Variants in STRN3 observed in about 807,000 individuals in gnomAD.
STRN3 encodes the protein striatin-3.
STRN3 carries 29 observed loss-of-function variants against 95.6 expected under a neutral mutation model. That is an observed-to-expected ratio of 0.30 (90% CI 0.23 to 0.41). The LOEUF is 0.41. STRN3 is among the 10% of genes least tolerant of loss of function. The pLI, the probability that STRN3 is intolerant of heterozygous loss-of-function variation, is 1.00. For missense variants in STRN3, 890 were observed against 972.1 expected, an observed-to-expected ratio of 0.92 and a Z score of 1.12; for synonymous variants, 331 against 357.6, an observed-to-expected ratio of 0.93 and a Z score of 0.84.
chr14:30,900,504 T>G (rs1357731967), intron 16 of STRN3, among the ~76,000 whole-genome samples: 1 of 150,426 alleles, frequency 6.6e-6, no homozygotes, highest in Non-Finnish European at 1.5e-5. Flanking sequence ...ATCCCAGAAC[T>G]TTGGGAGACT....
At chr14:30,993,764 C>T (rs1385321974) in intron 1 of STRN3, among the ~76,000 whole-genome samples, 3 of 152,106 alleles carry the variant, frequency 2.0e-5, no homozygotes, top group Admixed American at 6.5e-5. Flanking sequence ...ACTGCAACCT[C>T]GGCCTCGCAG....
chr14:30,944,540 TG>T (rs1192523580), intron 5 of STRN3, among the ~76,000 whole-genome samples: 1 of 130,380 alleles, frequency 7.7e-6, no homozygotes, highest in African/African-American at 3.1e-5. Context: ...TATATATACA[TG>T]TATATATACA....
chr14:30,921,300 GC>G (rs1896879455), intron 8 of STRN3, among the ~76,000 whole-genome samples: 2 of 152,094 alleles, frequency 1.3e-5, no homozygotes, highest in Non-Finnish European at 2.9e-5. Flanking sequence ...CATAATAAAG[GC>G]TTGACAAAGT....
chr14:30,907,153 G>A (rs890636807), intron 13 of STRN3, 109 bp from the exon 14 acceptor site: 2 of 1,249,970 alleles, frequency 1.6e-6, no homozygotes, highest in Admixed American at 5.5e-5. Flanking sequence ...ACACATAAAG[G>A]CCACAAGAAG....
intron 16 of STRN3, among the ~76,000 whole-genome samples, chr14:30,902,197 AAAAAAAAAAAAT>A (rs1896339552): frequency 2.1e-5 from 3 of 146,218 alleles, no homozygotes; most frequent in East Asian, 2.2e-4. Context: ...AAAAAAAAAA[AAAAAAAAAAAAT>A]GGAAATGCCA....
At chr14:30,963,408 A>T (rs1459452691) in intron 1 of STRN3, among the ~76,000 whole-genome samples, 2 of 152,140 alleles carry the variant, frequency 1.3e-5, no homozygotes, top group African/African-American at 4.8e-5. Flanking sequence ...TTAAGTCTAA[A>T]TAACTTTTTA....
Position 30,947,189 on chromosome 14 carries a change from A to T in STRN3, c.617T>A (p.Leu206Gln). Reference sequence around the variant, plus strand: ...TGATCCATTTGGTTCTGAATTAGATAGTCCAAGTAATGACCTTACCCGCTG... The same window carrying T: ...TGATCCATTTGGTTCTGAATTAGATTGTCCAAGTAATGACCTTACCCGCTG... ...RSQRVRSLLG[L>Q]SNSEPNGSVE... The change falls in exon 5 of 18, where the codon CTA becomes CAA. Residue 206 changes from leucine to glutamine, a missense_variant. Leu to Gln is a moderately radical substitution (Grantham distance 113). Around this residue, in one of 3 missense-constraint regions of STRN3, gnomAD observed 526 missense variants for 526.3 expected, o/e 1.00. Coordinates refer to ENST00000357479, the MANE Select transcript of STRN3 (RefSeq NM_001083893.2). 1 of 1,613,394 alleles carries T rather than the reference A, an allele frequency of 6.2e-7. No individual in the cohort carries two copies. The highest frequency in any genetic ancestry group is 8.5e-7 in the Non-Finnish European group (1 of 1,179,636).
At chr14:31,023,596 G>T (rs1427132294) in intron 1 of STRN3, among the ~76,000 whole-genome samples, 1 of 152,064 alleles carries the variant, frequency 6.6e-6, no homozygotes, top group African/African-American at 2.4e-5. Flanking sequence ...CAGTGCACTG[G>T]AGACTGTACA....
At chr14:30,943,525 G>A (rs766059633) in intron 5 of STRN3, among the ~76,000 whole-genome samples, 8 of 152,138 alleles carry the variant, frequency 5.3e-5, no homozygotes, top group African/African-American at 1.9e-4. Flanking sequence ...GCTTGAGCCT[G>A]GGAAGTTATG....
intron 1 of STRN3, among the ~76,000 whole-genome samples, chr14:30,994,128 G>A (rs1349492310): frequency 1.3e-5 from 2 of 151,878 alleles, no homozygotes; most frequent in Non-Finnish European, 2.9e-5. Context: ...CGCCCGCCTC[G>A]GCCTCCCAAA....
At position 30,936,494 on chromosome 14, in the gene STRN3, CT is replaced by C; in HGVS notation, c.846del (p.Ile283Ter). 6.2e-7 allele frequency: 1 copy of C among 1,609,480 alleles called. No individual in the cohort carries two copies. Among genetic ancestry groups the C allele is most frequent in the Non-Finnish European group, 8.5e-7 (1 of 1,178,746 alleles). ...GKDKHRMNKH[K>X]IGNEGLAADL... ...ATAAGAATATAAAATGTAATTCCTA[CT>C]TTATGTTTATTCATCCGATGTTTGT... is the stretch of plus-strand genomic sequence containing the variant. On this transcript the variant is annotated frameshift_variant and splice_region_variant, in exon 6 of 18. Transcript: ENST00000357479. LOFTEE classifies it high-confidence loss of function.
chr14:30,896,093 T>G (rs60207619), intron 16 of STRN3, among the ~76,000 whole-genome samples: 5,015 of 152,316 alleles, frequency 0.033, 299 homozygotes, highest in African/African-American at 0.11. Flanking sequence ...TCTGGATACT[T>G]CGTATAAGTG....
At chr14:30,954,356 T>C (rs549720085) in intron 3 of STRN3, among the ~76,000 whole-genome samples, 1 of 152,346 alleles carries the variant, frequency 6.6e-6, no homozygotes, top group East Asian at 1.9e-4. Context: ...AATACTTATA[T>C]ATCTTCTACT....
At chr14:30,910,971 C>A in intron 13 of STRN3, 70 bp downstream of exon 13, 3 of 1,526,032 alleles carry the variant, frequency 2.0e-6, no homozygotes, top group South Asian at 1.2e-5. Flanking sequence ...ACCTTGTAAT[C>A]ATATTTGAGG....
At chr14:30,931,409 T>C (rs1202700319) in intron 7 of STRN3, among the ~76,000 whole-genome samples, 1 of 152,102 alleles carries the variant, frequency 6.6e-6, no homozygotes, top group African/African-American at 2.4e-5. Context: ...AACACAAATA[T>C]GCGTAAGAAA....
intron 1 of STRN3, among the ~76,000 whole-genome samples, chr14:30,960,946 C>T (rs1457897918): frequency 6.7e-6 from 1 of 148,798 alleles, no homozygotes; most frequent in East Asian, 2.0e-4. Context: ...CTGCCTCATA[C>T]AGTTCCAGGA....
intron 1 of STRN3, among the ~76,000 whole-genome samples, chr14:30,968,562 C>T (rs1371162454): frequency 6.6e-6 from 1 of 151,570 alleles, no homozygotes; most frequent in Admixed American, 6.6e-5. Flanking sequence ...TGCCTGTAGC[C>T]CCACCTACTC....
chr14:30,917,322 A>G (rs1327644484), intron 9 of STRN3, among the ~76,000 whole-genome samples: 1 of 152,194 alleles, frequency 6.6e-6, no homozygotes, highest in African/African-American at 2.4e-5. Flanking sequence ...ACAAACACAC[A>G]TAGAGAGTTC....
intron 1 of STRN3, among the ~76,000 whole-genome samples, chr14:30,989,580 C>T (rs1042407494): frequency 1.3e-5 from 2 of 152,122 alleles, no homozygotes; most frequent in African/African-American, 4.8e-5. Context: ...CCTGCCTCAG[C>T]CTCCCGAGTA....
Sources: gnomAD v4.1 joint callset for allele counts (sites outside exome capture counted in the v4.1 genomes callset) on GRCh38, gnomAD v4.1.1 for gene constraint, gnomAD v4.1.1 regional missense constraint, MANE v1.5 for transcripts, NCBI Gene and HGNC (gene_info 2026-07-23, HGNC 2026-07-21) for gene names.